Variants in BAZ2B observed in about 807,000 individuals in gnomAD.
The protein encoded by BAZ2B is bromodomain adjacent to zinc finger domain 2B.
BAZ2B carries 91 observed loss-of-function variants against 246.0 expected under a neutral mutation model. The observed-to-expected ratio is 0.37, with a 90% CI of 0.31 to 0.44. BAZ2B has a LOEUF of 0.44. Among genes scored for constraint, BAZ2B ranks in the 20% least tolerant of loss-of-function variants. The probability of loss-of-function intolerance (pLI) is 1.00; values close to 1 mark genes in which losing one functional copy is unlikely to be tolerated. For synonymous variants in BAZ2B, 855 were observed against 860.0 expected (o/e 0.99, Z 0.10); for missense variants, 2,332 against 2,533.7 (o/e 0.92, Z 1.71).
the BAZ2B span, among the ~76,000 whole-genome samples, chr2:159,648,837 A>G: frequency 6.6e-6 from 1 of 152,200 alleles, no homozygotes; most frequent in Non-Finnish European, 1.5e-5. Flanking sequence ...TATACCAAGG[A>G]GTGGAATAGC....
intron 2 of BAZ2B, among the ~76,000 whole-genome samples, chr2:159,551,198 G>A (rs1489533186): frequency 6.6e-6 from 1 of 152,090 alleles, no homozygotes; most frequent in Non-Finnish European, 1.5e-5. Flanking sequence ...GGCCGGGCAC[G>A]GTGGCTCACG....
chr2:159,322,438 C>T (rs1050001380), intron 36 of BAZ2B, among the ~76,000 whole-genome samples: 8 of 152,312 alleles, frequency 5.3e-5, no homozygotes, highest in African/African-American at 1.9e-4. Flanking sequence ...TACCTGGCAA[C>T]CACCAATCTT....
At chr2:159,562,069 C>T (rs2089931165) in intron 1 of BAZ2B, among the ~76,000 whole-genome samples, 1 of 152,142 alleles carries the variant, frequency 6.6e-6, no homozygotes, top group Non-Finnish European at 1.5e-5. Context: ...ATGACTAAAA[C>T]TAAATTTACA....
At chr2:159,471,620 T>C (rs1441983453) in intron 3 of BAZ2B, among the ~76,000 whole-genome samples, 2 of 152,114 alleles carry the variant, frequency 1.3e-5, no homozygotes, top group Non-Finnish European at 2.9e-5. Flanking sequence ...GTGTTTTGTA[T>C]ATACTGCTTT....
chr2:159,505,384 G>C (rs1278277524), intron 2 of BAZ2B, among the ~76,000 whole-genome samples: 2 of 152,152 alleles, frequency 1.3e-5, no homozygotes, highest in Non-Finnish European at 2.9e-5. Context: ...CCCATCTCCA[G>C]ATCAATTATA....
At chr2:159,490,489 C>A (rs1053329415) in intron 2 of BAZ2B, among the ~76,000 whole-genome samples, 1 of 151,760 alleles carries the variant, frequency 6.6e-6, no homozygotes, top group Non-Finnish European at 1.5e-5. Context: ...AAAAGTAAAC[C>A]TTGACGTTTT....
intron 27 of BAZ2B, among the ~76,000 whole-genome samples, chr2:159,357,801 G>T (rs1436707567): frequency 1.3e-5 from 2 of 152,074 alleles, no homozygotes; most frequent in Admixed American, 6.5e-5. Context: ...AGAGAGTTGG[G>T]GCCAATATTC....
chr2:159,495,207 C>G (rs564354066), intron 2 of BAZ2B, among the ~76,000 whole-genome samples: 1 of 151,916 alleles, frequency 6.6e-6, no homozygotes, highest in African/African-American at 2.4e-5. Context: ...ATATGAAGGC[C>G]GGGCGCGGTG....
intron 13 of BAZ2B, among the ~76,000 whole-genome samples, chr2:159,414,554 C>T (rs373257090): frequency 6.6e-6 from 1 of 151,890 alleles, no homozygotes; most frequent in East Asian, 1.9e-4. Context: ...CGGTGGCCCA[C>T]GCCTGTAATC....
chr2:159,342,062 A>G (rs986772800), intron 31 of BAZ2B, among the ~76,000 whole-genome samples: 2 of 152,218 alleles, frequency 1.3e-5, no homozygotes, highest in Admixed American at 6.5e-5. Context: ...ACAAAAGATC[A>G]ACAAAACAAA....
intron 20 of BAZ2B, among the ~76,000 whole-genome samples, chr2:159,391,282 A>G (rs1381625244): frequency 6.6e-6 from 1 of 152,178 alleles, no homozygotes; most frequent in Non-Finnish European, 1.5e-5. Flanking sequence ...CATGTACTAC[A>G]GTGTCTATGC....
chr2:159,321,424 A>G (rs959117978), intron 36 of BAZ2B, among the ~76,000 whole-genome samples: 3 of 152,118 alleles, frequency 2.0e-5, no homozygotes, highest in Non-Finnish European at 4.4e-5. Flanking sequence ...AAAAGAAAGG[A>G]CATCAGTTTA....
At chr2:159,491,733 A>AAAAAAAAAAAAAAAAAAAAAAAC (rs2080520081) in intron 2 of BAZ2B, among the ~76,000 whole-genome samples, 1 of 145,624 alleles carries the variant, frequency 6.9e-6, no homozygotes, top group Non-Finnish European at 1.5e-5. Context: ...AAAAAAAAAA[A>AAAAAAAAAAAAAAAAAAAAAAAC]AAAAAAAAAA....
At chr2:159,438,197 TAA>T in intron 8 of BAZ2B, 104 bp downstream of exon 8, 1 of 1,069,892 alleles carries the variant, frequency 9.3e-7, no homozygotes. Flanking sequence ...TAAGAAAGTA[TAA>T]AAATGAAGGT....
intron 25 of BAZ2B, among the ~76,000 whole-genome samples, chr2:159,378,591 C>T (rs2061659597): frequency 6.6e-6 from 1 of 152,116 alleles, no homozygotes; most frequent in Non-Finnish European, 1.5e-5. Flanking sequence ...ATAACTCTTA[C>T]AACTCAATAG....
intron 1 of BAZ2B, among the ~76,000 whole-genome samples, chr2:159,577,118 C>T (rs191888115): frequency 1.3e-5 from 2 of 150,568 alleles, no homozygotes; most frequent in East Asian, 1.9e-4. Context: ...GTCCCAGCTA[C>T]TCGGAAGGCT....
At chr2:159,603,009 T>C (rs79684924) in intron 1 of BAZ2B, among the ~76,000 whole-genome samples, 9,641 of 152,174 alleles carry the variant, frequency 0.063, 980 homozygotes, top group African/African-American at 0.22. Flanking sequence ...TGGTGGCATG[T>C]GCCACTAGTC....
At chr2:159,403,020 G>A (rs1176996462) in intron 16 of BAZ2B, among the ~76,000 whole-genome samples, 2 of 152,136 alleles carry the variant, frequency 1.3e-5, no homozygotes, top group Non-Finnish European at 2.9e-5. Context: ...GTCCTCGTCA[G>A]ATCCCAATGC....
intron 30 of BAZ2B, among the ~76,000 whole-genome samples, chr2:159,348,319 CAAAA>C (rs541304274): frequency 0.032 from 862 of 26,968 alleles, 4 homozygotes; most frequent in African/African-American, 0.074. Context: ...GACTCTCTCA[CAAAA>C]AAAAAAAAAA....
Sources: gnomAD v4.1 joint callset for allele counts (sites outside exome capture counted in the v4.1 genomes callset) on GRCh38, gnomAD v4.1.1 for gene constraint, MANE v1.5 for transcripts, NCBI Gene and HGNC (gene_info 2026-07-23, HGNC 2026-07-21) for gene names.